PRELID2: variants seen among roughly 807,000 people sequenced by gnomAD.
The protein encoded by PRELID2 is PRELI domain containing 2.
In PRELID2, 25 loss-of-function variants were observed where a neutral mutation model predicts 28.4. That is an observed-to-expected ratio of 0.88 (90% CI 0.64 to 1.23). The LOEUF is 1.23. Ranked by LOEUF, PRELID2 falls within the 50% of genes most tolerant of loss-of-function variation. PRELID2 has a pLI of 0.00. For missense variants in PRELID2, 201 were observed against 214.4 expected, an observed-to-expected ratio of 0.94 and a Z score of 0.39; for synonymous variants, 76 against 71.6, an observed-to-expected ratio of 1.06 and a Z score of -0.31.
At chr5:145,746,141 AC>A (rs1209114123) in intron 1 of PRELID2, among the ~76,000 whole-genome samples, 83 of 152,334 alleles carry the variant, frequency 5.4e-4, no homozygotes, top group Admixed American at 5.4e-3. Flanking sequence ...CATCATGATG[AC>A]CAGATCAAAT....
At chr5:145,665,009 A>G (rs1247996521) in intron 1 of PRELID2, among the ~76,000 whole-genome samples, 2 of 152,012 alleles carry the variant, frequency 1.3e-5, no homozygotes, top group African/African-American at 2.4e-5. Flanking sequence ...GAGTCCATCA[A>G]CTTTGTTTTG....
At chr5:145,500,363 T>C (rs2051930960) in intron 1 of PRELID2, among the ~76,000 whole-genome samples, 1 of 152,160 alleles carries the variant, frequency 6.6e-6, no homozygotes, top group South Asian at 2.1e-4. Context: ...TCCACCGTGA[T>C]TGTAAGTTTC....
intron 1 of PRELID2, among the ~76,000 whole-genome samples, chr5:145,641,470 T>C (rs1188960263): frequency 6.6e-6 from 1 of 152,146 alleles, no homozygotes; most frequent in East Asian, 1.9e-4. Flanking sequence ...AAATGTAAAA[T>C]TGACAATACC....
At chr5:145,620,484 C>T (rs760164506) in intron 1 of PRELID2, among the ~76,000 whole-genome samples, 57 of 152,284 alleles carry the variant, frequency 3.7e-4, no homozygotes, top group Non-Finnish European at 6.0e-4. Context: ...GGGGATGCTA[C>T]GCATGTGAGG....
chr5:145,319,411 G>A, the PRELID2 span, among the ~76,000 whole-genome samples: 2 of 152,114 alleles, frequency 1.3e-5, no homozygotes, highest in Admixed American at 1.3e-4. Context: ...GCTCATGCGT[G>A]TAATCCCAAC....
chr5:145,685,535 C>T (rs887629515), intron 1 of PRELID2, among the ~76,000 whole-genome samples: 5 of 152,124 alleles, frequency 3.3e-5, no homozygotes, highest in African/African-American at 9.7e-5. Flanking sequence ...TCCTCCATGA[C>T]CATTTTTTTC....
At chr5:145,660,078 G>T (rs754085649) in intron 1 of PRELID2, among the ~76,000 whole-genome samples, 23 of 152,136 alleles carry the variant, frequency 1.5e-4, no homozygotes, top group Non-Finnish European at 2.6e-4. Flanking sequence ...TTGCCATGAG[G>T]ATGATTACTC....
At chr5:145,314,525 A>C in the PRELID2 span, among the ~76,000 whole-genome samples, 649 of 152,196 alleles carry the variant, frequency 4.3e-3, 1 homozygote, top group African/African-American at 0.015. Context: ...TTTAAAAAGT[A>C]ACTGATTTAC....
At chr5:145,833,057 C>T (rs186246298) in intron 1 of PRELID2, among the ~76,000 whole-genome samples, 1 of 152,264 alleles carries the variant, frequency 6.6e-6, no homozygotes, top group East Asian at 1.9e-4. Flanking sequence ...ACAGGGTCTG[C>T]GGTGACCTCC....
At chr5:145,662,268 A>T (rs74379715) in intron 1 of PRELID2, among the ~76,000 whole-genome samples, 2,762 of 152,270 alleles carry the variant, frequency 0.018, 36 homozygotes, top group Middle Eastern at 0.075. Flanking sequence ...ATGAGATCAA[A>T]GGAGCAAAAT....
At chr5:145,777,098 T>C (rs1452896493) in intron 5 of PRELID2, among the ~76,000 whole-genome samples, 1 of 152,158 alleles carries the variant, frequency 6.6e-6, no homozygotes, top group African/African-American at 2.4e-5. Flanking sequence ...CTGATTCACG[T>C]CTTATATGGA....
intron 1 of PRELID2, among the ~76,000 whole-genome samples, chr5:145,700,489 T>C (rs1755381452): frequency 1.3e-5 from 2 of 152,198 alleles, no homozygotes; most frequent in South Asian, 4.1e-4. Context: ...TTTTCATAAA[T>C]AGCCACTGCC....
At chr5:145,653,216 T>C (rs1266709499) in intron 1 of PRELID2, among the ~76,000 whole-genome samples, 1 of 152,192 alleles carries the variant, frequency 6.6e-6, no homozygotes, top group Non-Finnish European at 1.5e-5. Flanking sequence ...TAAATATATA[T>C]GCACCCAATA....
intron 1 of PRELID2, among the ~76,000 whole-genome samples, chr5:145,588,728 G>T (rs10036555): frequency 6.6e-6 from 1 of 151,736 alleles, no homozygotes; most frequent in Non-Finnish European, 1.5e-5. Context: ...AATCTGAGAC[G>T]CCTGGATTCT....
rs142899006 is a variant in PRELID2 at position 145,812,066 on chromosome 5, A to G, written c.368+5828T>C. On this transcript the variant is annotated intron_variant, in intron 4 of 6. Coordinates refer to ENST00000683046, the MANE Select transcript of PRELID2 (RefSeq NM_205846.3). ...CTTGACTGGATCTGCCAATACACCT[A>G]TATCATTCCTCTGAACACGCTGATT... 4.9e-3 allele frequency among the ~76,000 whole-genome samples: 749 copies of G among 152,222 alleles called. 28 individuals carry two copies. The highest frequency in any genetic ancestry group is 0.04 in the Admixed American group (615 of 15,294).
At chr5:145,265,891 A>G in the PRELID2 span, among the ~76,000 whole-genome samples, 1 of 152,228 alleles carries the variant, frequency 6.6e-6, no homozygotes, top group Non-Finnish European at 1.5e-5. Context: ...CCTTCTAGAC[A>G]TTGATTTAGG....
At chr5:145,616,532 T>C (rs147814480) in intron 1 of PRELID2, among the ~76,000 whole-genome samples, 5,005 of 152,120 alleles carry the variant, frequency 0.033, 172 homozygotes, top group African/African-American at 0.079. Context: ...AAGCTGGGTG[T>C]CCAGGGGAGA....
chr5:145,246,606 C>G, the PRELID2 span, among the ~76,000 whole-genome samples: 1 of 152,018 alleles, frequency 6.6e-6, no homozygotes, highest in Non-Finnish European at 1.5e-5. Flanking sequence ...TGATAAAAGC[C>G]TATGCATGAA....
At chr5:145,459,122 A>T in the PRELID2 span, among the ~76,000 whole-genome samples, 1 of 152,192 alleles carries the variant, frequency 6.6e-6, no homozygotes, top group Non-Finnish European at 1.5e-5. Context: ...AAGCACAGGC[A>T]ATCACAAGAA....
Sources: gnomAD v4.1 joint callset for allele counts (sites outside exome capture counted in the v4.1 genomes callset) on GRCh38, gnomAD v4.1.1 for gene constraint, MANE v1.5 for transcripts, NCBI Gene and HGNC (gene_info 2026-07-23, HGNC 2026-07-21) for gene names.